The following CPQ variants were observed in gnomAD, a reference collection of about 807,000 sequenced individuals.
CPQ encodes Ser-Met dipeptidase.
In CPQ, 37 loss-of-function variants were observed where a neutral mutation model predicts 45.7. The ratio of observed to expected loss-of-function variants is 0.81; its 90% CI spans 0.62 to 1.07. The LOEUF (loss-of-function observed/expected upper bound fraction) is 1.07. Among genes scored for constraint, CPQ ranks in the 50% least tolerant of loss-of-function variants. CPQ has a pLI of 0.00. For synonymous variants in CPQ, 186 were observed against 205.8 expected (o/e 0.90, Z 0.82); for missense variants, 537 against 572.9 (o/e 0.94, Z 0.64).
chr8:96,897,429 C>T (rs932519236), intron 4 of CPQ, among the ~76,000 whole-genome samples: 2 of 152,176 alleles, frequency 1.3e-5, no homozygotes, highest in African/African-American at 2.4e-5. Context: ...AAGAAGAACA[C>T]GTGTTGAGCC....
intron 2 of CPQ, among the ~76,000 whole-genome samples, chr8:96,793,559 C>T (rs1051860740): frequency 6.6e-6 from 1 of 152,300 alleles, no homozygotes; most frequent in African/African-American, 2.4e-5. Flanking sequence ...CATAGTCAAA[C>T]TATATCATTC....
intron 1 of CPQ, among the ~76,000 whole-genome samples, chr8:96,742,145 G>T (rs1810101701): frequency 6.7e-6 from 1 of 149,762 alleles, no homozygotes; most frequent in Admixed American, 6.7e-5. Flanking sequence ...CTTGCTTTAT[G>T]AATCTGGGTG....
rs375847420 is a variant in CPQ at position 96,773,270 on chromosome 8, CAATT to C, written c.-34-11592_-34-11589del. Among the ~76,000 whole-genome samples, 512 of 152,080 alleles carry C rather than the reference CAATT, an allele frequency of 3.4e-3. 7 individuals carry two copies. Among genetic ancestry groups the C allele is most frequent in the African/African-American group, 0.012 (487 of 41,472 alleles). On this transcript the variant is annotated intron_variant, in intron 1 of 7. Coordinates refer to ENST00000220763, the MANE Select transcript of CPQ (RefSeq NM_016134.4). ...TGTTTAATATGCAAAGACAAATAAA[CAATT>C]AGTTGTAGAGAACATGCTTGGTGAA...
At chr8:96,880,519 A>G (rs1418286300) in intron 4 of CPQ, among the ~76,000 whole-genome samples, 9 of 532 alleles carry the variant, frequency 0.017, no homozygotes, top group Non-Finnish European at 0.016. Flanking sequence ...ATATATGGTC[A>G]TATATATATA....
At chr8:96,862,352 G>A (rs1046515174) in intron 3 of CPQ, among the ~76,000 whole-genome samples, 10 of 151,410 alleles carry the variant, frequency 6.6e-5, no homozygotes, top group African/African-American at 2.4e-4. Flanking sequence ...AGAGAGAGGA[G>A]AGAAAGACTG....
At chr8:96,905,985 G>A (rs1812570615) in intron 4 of CPQ, among the ~76,000 whole-genome samples, 1 of 152,090 alleles carries the variant, frequency 6.6e-6, no homozygotes, top group South Asian at 2.1e-4. Context: ...GCTGACTTGA[G>A]GTATTCCATT....
rs549550226 is a variant in CPQ, at chr8:96,743,851, G to A, written c.-34-41013G>A. ...TGCCCATTCTCAGATCTCCAGCTGC[G>A]TGCTGGGAGAACCACTGCTCTCTTC... is the stretch of plus-strand genomic sequence containing the variant. On this transcript the variant is annotated intron_variant, in intron 1 of 7. Coordinates refer to ENST00000220763, the MANE Select transcript of CPQ (RefSeq NM_016134.4). Among the ~76,000 whole-genome samples, 23 of 152,256 alleles carry A rather than the reference G, an allele frequency of 1.5e-4. No individual in the cohort carries two copies. The East Asian group carries it at 3.1e-3, about 20-fold the overall frequency.
At chr8:96,675,867 TTTC>T (rs771062636) in intron 1 of CPQ, among the ~76,000 whole-genome samples, 1 of 152,080 alleles carries the variant, frequency 6.6e-6, no homozygotes, top group African/African-American at 2.4e-5. Context: ...TATTGATCCT[TTTC>T]TTATTGATAT....
chr8:96,685,558 G>A (rs1230162935), intron 1 of CPQ, among the ~76,000 whole-genome samples: 7 of 151,606 alleles, frequency 4.6e-5, no homozygotes, highest in Admixed American at 4.6e-4. Flanking sequence ...TCTATTTCTG[G>A]GTTCTCTGTT....
rs116085566 is a variant in CPQ, at chr8:96,931,039, C to T, written c.850-34896C>T. Among the ~76,000 whole-genome samples the T allele has an allele frequency of 8.8e-3, 1,337 of 152,298 alleles. 28 individuals carry two copies. The highest frequency in any genetic ancestry group is 0.03 in the African/African-American group (1,239 of 41,574). ...TTCCCCTGTCTTCTGTCAATGACTA[C>T]GACACACTGAAGGCCACATTGACCT... On this transcript the variant is annotated intron_variant, in intron 4 of 7. Transcript: ENST00000220763.
intron 2 of CPQ, among the ~76,000 whole-genome samples, chr8:96,830,665 G>A (rs1172364636): frequency 1.3e-5 from 2 of 151,906 alleles, no homozygotes; most frequent in Admixed American, 1.3e-4. Context: ...TACTCTAACC[G>A]AGTCTGATGA....
chr8:97,041,873 T>C (rs2130490491), intron 6 of CPQ, among the ~76,000 whole-genome samples: 1 of 152,368 alleles, frequency 6.6e-6, no homozygotes, highest in Admixed American at 6.5e-5. Context: ...GATGTGCTGC[T>C]GGATTCAGTT....
Position 96,835,189 on chromosome 8 carries a change from C to A in CPQ, c.641+9C>A. 2 of 1,439,190 alleles carry A rather than the reference C, an allele frequency of 1.4e-6. No individual in the cohort carries two copies. The highest frequency in any genetic ancestry group is 3.1e-5 in the South Asian group (2 of 63,536). The allele number at this position is 1,439,190 out of a possible 1,614,324, so 89.2% of individuals were successfully genotyped here. On this transcript the variant is annotated intron_variant, in intron 3 of 7. Coordinates refer to ENST00000220763, the MANE Select transcript of CPQ (RefSeq NM_016134.4). ...TCCTTCTCCATCTACAGGTTTGTCA[C>A]AATGTTCATTTGAATTCCTTTCAAA...
intron 1 of CPQ, among the ~76,000 whole-genome samples, chr8:96,681,938 A>G (rs1809158288): frequency 6.6e-6 from 1 of 152,130 alleles, no homozygotes; most frequent in Non-Finnish European, 1.5e-5. Context: ...AATGTCTCCC[A>G]TTTGGAATGA....
intron 2 of CPQ, among the ~76,000 whole-genome samples, chr8:96,787,515 C>CTTATA (rs1810784199): frequency 2.8e-5 from 1 of 35,460 alleles, no homozygotes; most frequent in Non-Finnish European, 5.9e-5. Flanking sequence ...GTTTCATTTT[C>CTTATA]TTATAATGTC....
chr8:96,966,077 G>T, intron 5 of CPQ, 31 bp downstream of exon 5: 1 of 1,475,758 alleles, frequency 6.8e-7, no homozygotes, highest in Non-Finnish European at 9.4e-7. Flanking sequence ...TAACTAATGT[G>T]TGAGGATCTC....
chr8:96,901,563 A>G (rs1812512002), intron 4 of CPQ, among the ~76,000 whole-genome samples: 1 of 152,220 alleles, frequency 6.6e-6, no homozygotes, highest in South Asian at 2.1e-4. Flanking sequence ...TAAATTAAGT[A>G]AGATTCCACA....
chr8:96,834,847 A>G (rs1811505653), intron 2 of CPQ, 126 bp from the exon 3 acceptor site: 1 of 750,358 alleles, frequency 1.3e-6, no homozygotes, highest in African/African-American at 1.8e-5. Context: ...ATGGCTCTAA[A>G]ACTTTGATCT....
chr8:97,054,664 C>A (rs1810422171), intron 6 of CPQ, among the ~76,000 whole-genome samples: 2 of 152,128 alleles, frequency 1.3e-5, no homozygotes, highest in African/African-American at 4.8e-5. Flanking sequence ...TGAAGTAATT[C>A]AGGAATGGAA....
Sources: gnomAD v4.1 joint callset for allele counts (sites outside exome capture counted in the v4.1 genomes callset) on GRCh38, gnomAD v4.1.1 for gene constraint, MANE v1.5 for transcripts, NCBI Gene and HGNC (gene_info 2026-07-23, HGNC 2026-07-21) for gene names.